NCAM1: variants seen among roughly 807,000 people sequenced by gnomAD.
NCAM1 encodes the protein neural cell adhesion molecule 1.
A neutral mutation model predicts 109.8 loss-of-function variants in NCAM1; 14 were observed. The observed-to-expected ratio is 0.13, with a 90% confidence interval of 0.08 to 0.20. The LOEUF is 0.20. Ranked by LOEUF, NCAM1 falls within the 10% of genes least tolerant of loss-of-function variation. The pLI, the probability that NCAM1 is intolerant of heterozygous loss-of-function variation, is 1.00. For missense variants in NCAM1, 774 were observed against 1,109.9 expected, an observed-to-expected ratio of 0.70 and a Z score of 4.30; for synonymous variants, 418 against 442.9, an observed-to-expected ratio of 0.94 and a Z score of 0.70.
chr11:113,084,889 T>G (rs782249976), intron 1 of NCAM1, among the ~76,000 whole-genome samples: 1 of 152,240 alleles, frequency 6.6e-6, no homozygotes, highest in Non-Finnish European at 1.5e-5. Flanking sequence ...TCCACACAAA[T>G]CAGTTGGAAC....
In NCAM1 at chr11:113,220,602, C is replaced by CTTTTTTTTTTT. The variant is rs1175342641; in HGVS notation, c.1060-681_1060-671dup. Among the ~76,000 whole-genome samples, 414 of 75,588 alleles carry CTTTTTTTTTTT rather than the reference C, an allele frequency of 5.5e-3. 62 individuals carry two copies. Among genetic ancestry groups the CTTTTTTTTTTT allele is most frequent in the African/African-American group, 0.015 (239 of 16,428 alleles). 49.6% of individuals were successfully genotyped at this position (75,588 alleles called of 152,430 possible). On this transcript the variant is annotated intron_variant, in intron 8 of 19. Transcript: ENST00000316851. ...AGACCTATTCTCTCTCTCTCTCTCT[C>CTTTTTTTTTTT]TTTTTTTTTTTTTTTTTTTTTTTGA...
chr11:113,146,717 A>G (rs781875363), intron 1 of NCAM1, among the ~76,000 whole-genome samples: 5 of 152,232 alleles, frequency 3.3e-5, no homozygotes, highest in Non-Finnish European at 7.3e-5. Context: ...GTTGCTAGGC[A>G]GAGGCCATCT....
chr11:113,214,376 C>G lies in NCAM1; in HGVS notation c.924C>G (p.Pro308=), dbSNP rs1555114070. 1.9e-6 allele frequency: 3 copies of G among 1,613,298 alleles called. No individual in the cohort carries two copies. Among genetic ancestry groups the G allele is most frequent in the Non-Finnish European group, 2.5e-6 (3 of 1,179,716 alleles). ...AATGTTTTGTCTTTTCAGCAAAACCCAAAATCACATATGTAGAGAACCAGA... is the reference window on the plus strand; with the variant it reads ...AATGTTTTGTCTTTTCAGCAAAACCGAAAATCACATATGTAGAGAACCAGA... ...ATIHLKVFAK[P]KITYVENQTA... Residue 308 remains proline, a synonymous_variant, in exon 8 of 20, where the codon CCC becomes CCG. Transcript: ENST00000316851.
At chr11:113,016,264 G>C (rs1004089467) in intron 1 of NCAM1, among the ~76,000 whole-genome samples, 1 of 152,150 alleles carries the variant, frequency 6.6e-6, no homozygotes, top group Admixed American at 6.5e-5. Flanking sequence ...GGACACTTAG[G>C]CTTGTTATCT....
intron 9 of NCAM1, among the ~76,000 whole-genome samples, chr11:113,226,580 CT>C (rs1555116262): frequency 6.6e-6 from 1 of 152,194 alleles, no homozygotes; most frequent in African/African-American, 2.4e-5. Flanking sequence ...CCAAGTGGAG[CT>C]AATAGACATC....
At chr11:113,256,378 T>C (rs551588236) in intron 16 of NCAM1, among the ~76,000 whole-genome samples, 1 of 152,244 alleles carries the variant, frequency 6.6e-6, no homozygotes, top group Non-Finnish European at 1.5e-5. Context: ...GCCAGGCACC[T>C]GCACCTCACT....
At position 113,080,571 on chromosome 11, in the gene NCAM1, G is replaced by A. The variant is rs892827599; in HGVS notation, c.52+118907G>A. 6.6e-5 allele frequency among the ~76,000 whole-genome samples: 10 copies of A among 152,134 alleles called. 1 individual carries two copies. Among genetic ancestry groups the A allele is most frequent in the Admixed American group, 5.9e-4 (9 of 15,280 alleles). On this transcript the variant is annotated intron_variant, in intron 1 of 19. Coordinates refer to ENST00000316851, the MANE Select transcript of NCAM1 (RefSeq NM_181351.5). ...TAAGAGCAAGCATCTGCCCAGTTGGGCATCTAATTGGTGATCAAGGAGTAT... is the reference window on the plus strand; with the variant it reads ...TAAGAGCAAGCATCTGCCCAGTTGGACATCTAATTGGTGATCAAGGAGTAT...
At position 113,275,330 on chromosome 11, in the gene NCAM1, A is replaced by G; in HGVS notation, c.2520A>G (p.Glu840=). 1 of 1,613,724 alleles carries G rather than the reference A, an allele frequency of 6.2e-7. No homozygotes were observed. The highest frequency in any genetic ancestry group is 8.5e-7 in the Non-Finnish European group (1 of 1,179,804). Residue 840 remains glutamate, a synonymous_variant, in exon 20 of 20, where the codon GAA becomes GAG. Coordinates refer to ENST00000316851, the MANE Select transcript of NCAM1 (RefSeq NM_181351.5). ...QETETKPAPA[E]VKTVPNDATQ... is the part of the protein sequence containing the mutation. ...CAGAAACGAAGCCAGCGCCAGCCGA[A>G]GTCAAGACGGTCCCCAATGACGCCA... is the stretch of plus-strand genomic sequence containing the variant.
At chr11:113,229,906 G>A (rs9736945) in intron 9 of NCAM1, among the ~76,000 whole-genome samples, 38,025 of 151,706 alleles carry the variant, frequency 0.25, 5,199 homozygotes, top group South Asian at 0.38. Flanking sequence ...ACACAGAAAC[G>A]GGAACATCAC....
chr11:113,117,046 T>C (rs1417716947), intron 1 of NCAM1, among the ~76,000 whole-genome samples: 1 of 151,982 alleles, frequency 6.6e-6, no homozygotes, highest in Non-Finnish European at 1.5e-5. Flanking sequence ...ATAAATTACA[T>C]GTTTCTCTTT....
chr11:112,981,908 G>A lies in NCAM1; in HGVS notation c.52+20244G>A, dbSNP rs535066048. On this transcript the variant is annotated intron_variant, in intron 1 of 19. Coordinates refer to ENST00000316851, the MANE Select transcript of NCAM1 (RefSeq NM_181351.5). ...TAAAATTAGTTGTTGTCTTTCACTA[G>A]GTGGCTCTCTTTTTTTTAGAATGAG... 2.0e-5 allele frequency among the ~76,000 whole-genome samples: 3 copies of A among 151,942 alleles called. No homozygotes were observed. In the East Asian group the frequency reaches 5.8e-4, roughly 30 times the overall value.
intron 14 of NCAM1, chr11:113,240,750 G>T (rs370779285): frequency 1.8e-4 from 293 of 1,603,040 alleles, no homozygotes; most frequent in Admixed American, 3.2e-4. Context: ...GTGCCTCAAT[G>T]ATCTTTTTTC....
chr11:113,039,086 A>T (rs1356822830), intron 1 of NCAM1, among the ~76,000 whole-genome samples: 1 of 152,254 alleles, frequency 6.6e-6, no homozygotes, highest in Non-Finnish European at 1.5e-5. Context: ...ATTTAAAAAT[A>T]CATATGCACT....
chr11:112,996,109 A>G (rs1951589899), intron 1 of NCAM1, among the ~76,000 whole-genome samples: 1 of 152,232 alleles, frequency 6.6e-6, no homozygotes, highest in Non-Finnish European at 1.5e-5. Context: ...AATATAATTC[A>G]TTTAAATCTC....
At position 113,226,999 on chromosome 11, in the gene NCAM1, C is replaced by T. The variant is rs1274249447; in HGVS notation, c.1090-4646C>T. ...AGCAGGAAAGATCTAAAATTGACAC[C>T]CTAACACCACAATTAAAAGAACTAG... On this transcript the variant is annotated intron_variant, in intron 9 of 19. Coordinates refer to ENST00000316851, the MANE Select transcript of NCAM1 (RefSeq NM_181351.5). Among the ~76,000 whole-genome samples, 169 of 151,814 alleles carry T rather than the reference C, an allele frequency of 1.1e-3. 5 individuals carry two copies. The highest frequency in any genetic ancestry group is 3.7e-4 in the Non-Finnish European group (25 of 67,986).
intron 1 of NCAM1, among the ~76,000 whole-genome samples, chr11:113,126,809 A>T (rs1442272258): frequency 6.6e-6 from 1 of 152,246 alleles, no homozygotes; most frequent in African/African-American, 2.4e-5. Flanking sequence ...GCAAATTCAC[A>T]GCAGAAAAAC....
chr11:112,968,427 T>C (rs1555066065), intron 1 of NCAM1, among the ~76,000 whole-genome samples: 1 of 152,244 alleles, frequency 6.6e-6, no homozygotes, highest in African/African-American at 2.4e-5. Flanking sequence ...TTGTTTTAGC[T>C]ATCTAAAAGG....
At chr11:113,095,616 A>C (rs1420799147) in intron 1 of NCAM1, among the ~76,000 whole-genome samples, 3 of 152,262 alleles carry the variant, frequency 2.0e-5, no homozygotes, top group Non-Finnish European at 4.4e-5. Flanking sequence ...GAAACTGGAA[A>C]CCATTCAATT....
At chr11:113,106,117 C>A (rs1555092522) in intron 1 of NCAM1, among the ~76,000 whole-genome samples, 2 of 151,874 alleles carry the variant, frequency 1.3e-5, no homozygotes, top group East Asian at 3.9e-4. Flanking sequence ...TGAAAAAAAA[C>A]AAGTCCTGTC....
Sources: allele counts gnomAD v4.1 joint callset (sites outside exome capture counted in the v4.1 genomes callset), GRCh38; gene constraint gnomAD v4.1.1; transcripts MANE v1.5; gene names NCBI Gene and HGNC (gene_info 2026-07-23, HGNC 2026-07-21).